The following ARHGAP6 variants were observed in gnomAD, a reference collection of about 807,000 sequenced individuals.
ARHGAP6 encodes rho GTPase-activating protein 6.
A neutral mutation model predicts 55.7 loss-of-function variants in ARHGAP6; 16 were observed. That is an observed-to-expected ratio of 0.29 (90% CI 0.19 to 0.44). The LOEUF (loss-of-function observed/expected upper bound fraction) is 0.44. Among genes scored for constraint, ARHGAP6 ranks in the 20% least tolerant of loss-of-function variants. The probability of loss-of-function intolerance (pLI) is 1.00; values close to 1 mark genes in which losing one functional copy is unlikely to be tolerated. For missense variants in ARHGAP6, 698 were observed against 808.9 expected, an observed-to-expected ratio of 0.86 and a Z score of 1.66; for synonymous variants, 382 against 360.9, an observed-to-expected ratio of 1.06 and a Z score of -0.66.
chrX:11,572,320 T>C (rs1404380084), intron 1 of ARHGAP6, among the ~76,000 whole-genome samples: 1 of 110,414 alleles, frequency 9.1e-6, no homozygotes, highest in Non-Finnish European at 1.9e-5. Flanking sequence ...GTATATCTCC[T>C]AATGCTATCC....
At chrX:11,445,079 C>G (rs1282504465) in intron 1 of ARHGAP6, among the ~76,000 whole-genome samples, 1 of 112,420 alleles carries the variant, frequency 8.9e-6, no homozygotes, top group East Asian at 2.8e-4. Flanking sequence ...ATAAACTCAG[C>G]AGTAACTCCC....
chrX:11,658,871 G>T (rs374186354), intron 1 of ARHGAP6, among the ~76,000 whole-genome samples: 1 of 109,650 alleles, frequency 9.1e-6, no homozygotes, highest in Admixed American at 9.9e-5. Flanking sequence ...GGGCTGTTGT[G>T]TGTGTTGTGG....
At chrX:11,451,989 C>T (rs942651968) in intron 1 of ARHGAP6, among the ~76,000 whole-genome samples, 1 of 111,974 alleles carries the variant, frequency 8.9e-6, no homozygotes, top group East Asian at 2.8e-4. Flanking sequence ...AGACTTCTGG[C>T]AGGAGATATA....
chrX:11,285,163 TG>T (rs1451890337), intron 1 of ARHGAP6, among the ~76,000 whole-genome samples: 20 of 92,187 alleles, frequency 2.2e-4, no homozygotes, highest in African/African-American at 8.4e-4. Context: ...CCACACAGAT[TG>T]TTTTTTTTTT....
At chrX:11,490,206 A>G (rs1251009716) in intron 1 of ARHGAP6, among the ~76,000 whole-genome samples, 1 of 111,431 alleles carries the variant, frequency 9.0e-6, no homozygotes, top group African/African-American at 3.3e-5. Flanking sequence ...TCCATTATAT[A>G]AGACTCCATC....
At chrX:11,520,179 T>TATATA (rs1307291101) in intron 1 of ARHGAP6, among the ~76,000 whole-genome samples, 11 of 40,062 alleles carry the variant, frequency 2.7e-4, no homozygotes, top group Non-Finnish European at 3.5e-4. Context: ...ATATATATAT[T>TATATA]ACTTTAAGTT....
At chrX:11,506,973 T>A (rs979931767) in intron 1 of ARHGAP6, among the ~76,000 whole-genome samples, 3 of 112,209 alleles carry the variant, frequency 2.7e-5, no homozygotes, top group Admixed American at 9.5e-5. Context: ...TTGATTTGCA[T>A]TTCTCTAATG....
intron 1 of ARHGAP6, among the ~76,000 whole-genome samples, chrX:11,495,298 C>T (rs1204736333): frequency 9.0e-6 from 1 of 111,438 alleles, no homozygotes; most frequent in Non-Finnish European, 1.9e-5. Flanking sequence ...TTACCTCCTA[C>T]TGAGGGCAAA....
chrX:11,403,113 C>T (rs931219642), intron 1 of ARHGAP6, among the ~76,000 whole-genome samples: 5 of 111,797 alleles, frequency 4.5e-5, no homozygotes, highest in Admixed American at 9.5e-5. Flanking sequence ...AATTTTACTA[C>T]GAAATGTGAA....
At chrX:11,293,191 T>C (rs1468692101) in intron 1 of ARHGAP6, among the ~76,000 whole-genome samples, 3 of 112,484 alleles carry the variant, frequency 2.7e-5, no homozygotes, top group Non-Finnish European at 5.6e-5. Context: ...GACTTCAAAA[T>C]AGCGTGATGA....
chrX:11,237,882 A>G (rs1417194459), intron 2 of ARHGAP6, among the ~76,000 whole-genome samples: 1 of 111,899 alleles, frequency 8.9e-6, no homozygotes, highest in African/African-American at 3.3e-5. Context: ...GGCACTAGCG[A>G]TATTTGGGGC....
chrX:11,257,978 C>G (rs1602971753), intron 1 of ARHGAP6, among the ~76,000 whole-genome samples: 1 of 110,910 alleles, frequency 9.0e-6, no homozygotes, highest in Non-Finnish European at 1.9e-5. Flanking sequence ...CAGGGAATTA[C>G]AAGGCTGGAA....
intron 1 of ARHGAP6, among the ~76,000 whole-genome samples, chrX:11,516,448 T>C (rs187708250): frequency 1.3e-3 from 141 of 112,230 alleles, no homozygotes; most frequent in African/African-American, 4.3e-3. Flanking sequence ...TTTGTTCTTC[T>C]CTTTTGAGAT....
chrX:11,582,467 T>C (rs2051677088), intron 1 of ARHGAP6, among the ~76,000 whole-genome samples: 1 of 112,356 alleles, frequency 8.9e-6, no homozygotes, highest in South Asian at 3.7e-4. Flanking sequence ...ATGTAAAATA[T>C]TGTGAGAAAA....
In ARHGAP6 at chrX:11,301,278, C is replaced by T. The variant is rs1032389594; in HGVS notation, c.589-46571G>A. On this transcript the variant is annotated intron_variant, in intron 1 of 12. Coordinates refer to ENST00000337414, the MANE Select transcript of ARHGAP6 (RefSeq NM_013427.3). ...ATTTGTTTTCCTCAAAAAATGTTAT[C>T]AATGGAGCTTCAAATAGAGAATTGC... is the stretch of plus-strand genomic sequence containing the variant. 2.7e-5 allele frequency among the ~76,000 whole-genome samples: 3 copies of T among 112,073 alleles called. 1 individual carries two copies. The Admixed American group carries it at 2.8e-4, about 11-fold the overall frequency.
At chrX:11,241,598 C>A (rs1291598122) in intron 2 of ARHGAP6, among the ~76,000 whole-genome samples, 1 of 106,527 alleles carries the variant, frequency 9.4e-6, no homozygotes, top group Non-Finnish European at 1.9e-5. Context: ...TTCAAGAAAT[C>A]TTTCATACCC....
At chrX:11,338,401 A>G (rs1485991753) in intron 1 of ARHGAP6, among the ~76,000 whole-genome samples, 1 of 111,827 alleles carries the variant, frequency 8.9e-6, no homozygotes, top group Non-Finnish European at 1.9e-5. Flanking sequence ...TTAAAATACT[A>G]TAAATGCAAG....
At chrX:11,569,440 G>A (rs1321112297) in intron 1 of ARHGAP6, among the ~76,000 whole-genome samples, 1 of 111,705 alleles carries the variant, frequency 9.0e-6, no homozygotes, top group African/African-American at 3.3e-5. Flanking sequence ...GCTGGGAGAA[G>A]GTATCAGTGC....
At chrX:11,359,501 T>C (rs2048980207) in intron 1 of ARHGAP6, among the ~76,000 whole-genome samples, 2 of 112,275 alleles carry the variant, frequency 1.8e-5, no homozygotes, top group Non-Finnish European at 3.8e-5. Flanking sequence ...TTATTTAGCC[T>C]ATAATAAAAG....
Sources: gnomAD v4.1 joint callset for allele counts (sites outside exome capture counted in the v4.1 genomes callset) on GRCh38, gnomAD v4.1.1 for gene constraint, MANE v1.5 for transcripts, NCBI Gene and HGNC (gene_info 2026-07-23, HGNC 2026-07-21) for gene names.